The following CSNK1G1 variants were observed in gnomAD, a reference collection of about 807,000 sequenced individuals.
CSNK1G1 encodes casein kinase I isoform gamma-1.
A neutral mutation model predicts 59.6 loss-of-function variants in CSNK1G1; 22 were observed. The observed-to-expected ratio is 0.37, with a 90% CI of 0.26 to 0.53. The LOEUF is 0.53. CSNK1G1 is among the 20% of genes least tolerant of loss of function. The probability of loss-of-function intolerance (pLI) is 0.89; values close to 1 mark genes in which losing one functional copy is unlikely to be tolerated. For missense variants in CSNK1G1, 384 were observed against 519.5 expected, an observed-to-expected ratio of 0.74 and a Z score of 2.54; for synonymous variants, 179 against 177.1, an observed-to-expected ratio of 1.01 and a Z score of -0.08.
At chr15:64,312,624 A>G (rs1896055032) in intron 1 of CSNK1G1, among the ~76,000 whole-genome samples, 1 of 152,212 alleles carries the variant, frequency 6.6e-6, no homozygotes, top group African/African-American at 2.4e-5. Flanking sequence ...TTAAAGACTT[A>G]AATGTAAGAC....
intron 1 of CSNK1G1, among the ~76,000 whole-genome samples, chr15:64,329,265 T>C (rs1596284714): frequency 6.6e-6 from 1 of 151,814 alleles, no homozygotes; most frequent in Admixed American, 6.6e-5. Context: ...ATTGACCACA[T>C]AGTTGGAAGT....
At chr15:64,273,598 T>G (rs1893444375) in intron 2 of CSNK1G1, among the ~76,000 whole-genome samples, 1 of 152,088 alleles carries the variant, frequency 6.6e-6, no homozygotes, top group Non-Finnish European at 1.5e-5. Context: ...GGATTACATG[T>G]AATGTGAGGG....
intron 10 of CSNK1G1, chr15:64,189,465 TA>T: frequency 7.8e-7 from 1 of 1,283,308 alleles, no homozygotes; most frequent in Non-Finnish European, 1.0e-6. Flanking sequence ...TGCTCAGCTG[TA>T]ACAGTCCTAA....
chr15:64,203,118 C>T lies in CSNK1G1; in HGVS notation c.1071G>A (p.Arg357=), dbSNP rs2140247044. The T allele has an allele frequency of 1.2e-6, 2 of 1,613,998 alleles. No homozygotes were observed. Among genetic ancestry groups the T allele is most frequent in the East Asian group, 2.2e-5 (1 of 44,874 alleles). The change falls in exon 10 of 12, where the codon AGG becomes AGA. Residue 357 remains arginine (R), a synonymous_variant. Coordinates refer to ENST00000303052, the MANE Select transcript of CSNK1G1 (RefSeq NM_022048.5). ...SAITRESHTH[R]DRPSQQQPLR... is the part of the protein sequence containing the mutation. ...GAGGCTGCTGTTGTGATGGCCGATC[C>T]CTATGTGTGTGGCTTTCTCGAGTTA...
chr15:64,231,508 C>T (rs1215261357), intron 4 of CSNK1G1, among the ~76,000 whole-genome samples: 2 of 150,796 alleles, frequency 1.3e-5, no homozygotes, highest in African/African-American at 4.9e-5. Flanking sequence ...TACTGTATCC[C>T]TAAGACTTAG....
chr15:64,172,110 C>G (rs887551489), intron 11 of CSNK1G1, 125 bp from the exon 12 acceptor site: 3 of 811,202 alleles, frequency 3.7e-6, no homozygotes, highest in Non-Finnish European at 6.4e-6. Context: ...GGACCACCCA[C>G]CATCTACAGT....
chr15:64,304,971 A>C (rs1040752057), intron 1 of CSNK1G1, among the ~76,000 whole-genome samples: 1 of 152,204 alleles, frequency 6.6e-6, no homozygotes. Flanking sequence ...TTTCTTGGTC[A>C]CAAGTTTCGG....
intron 1 of CSNK1G1, among the ~76,000 whole-genome samples, chr15:64,315,445 G>A (rs1457423471): frequency 6.6e-6 from 1 of 152,138 alleles, no homozygotes; most frequent in Non-Finnish European, 1.5e-5. Context: ...TGCTTAAAGG[G>A]ATTTAGCTTT....
intron 11 of CSNK1G1, among the ~76,000 whole-genome samples, chr15:64,178,757 CGT>C (rs1174705787): frequency 6.6e-6 from 1 of 150,716 alleles, no homozygotes; most frequent in Non-Finnish European, 1.5e-5. Flanking sequence ...TGGGATTACA[CGT>C]GTGAGCCACT....
intron 1 of CSNK1G1, among the ~76,000 whole-genome samples, chr15:64,302,665 G>T (rs1419070195): frequency 6.6e-6 from 1 of 151,996 alleles, no homozygotes; most frequent in East Asian, 1.9e-4. Context: ...GAAAGAAAGA[G>T]AAAAAAATAT....
At chr15:64,246,249 T>C (rs1891748684) in intron 4 of CSNK1G1, among the ~76,000 whole-genome samples, 1 of 152,172 alleles carries the variant, frequency 6.6e-6, no homozygotes, top group Non-Finnish European at 1.5e-5. Context: ...AACCGCCTAC[T>C]AGGTATTTAA....
At chr15:64,243,292 C>T (rs1022378256) in intron 4 of CSNK1G1, among the ~76,000 whole-genome samples, 2 of 151,810 alleles carry the variant, frequency 1.3e-5, no homozygotes, top group African/African-American at 2.4e-5. Context: ...GCCAAGATTG[C>T]GCCACTGCAC....
intron 1 of CSNK1G1, among the ~76,000 whole-genome samples, chr15:64,347,596 A>AG (rs1555405507): frequency 4.6e-5 from 7 of 150,998 alleles, no homozygotes; most frequent in Non-Finnish European, 8.9e-5. Context: ...AAAAAAAAAA[A>AG]AAAGAAAGAA....
intron 10 of CSNK1G1, among the ~76,000 whole-genome samples, chr15:64,183,404 C>T (rs1423101973): frequency 1.3e-5 from 2 of 152,192 alleles, no homozygotes; most frequent in Non-Finnish European, 2.9e-5. Flanking sequence ...ATACCTAAGA[C>T]TTAAAGGCTA....
chr15:64,276,557 A>G (rs1443923889), intron 2 of CSNK1G1, among the ~76,000 whole-genome samples: 1 of 152,180 alleles, frequency 6.6e-6, no homozygotes, highest in African/African-American at 2.4e-5. Context: ...TAAAAGGTCA[A>G]ATGGGAACCC....
intron 7 of CSNK1G1, among the ~76,000 whole-genome samples, chr15:64,206,180 G>A (rs527663756): frequency 3.2e-4 from 48 of 152,152 alleles, no homozygotes; most frequent in Non-Finnish European, 6.2e-4. Flanking sequence ...AGTGGCTCAC[G>A]CCTGTAATCC....
In CSNK1G1 at chr15:64,351,730, T is replaced by C. The variant is rs111579689; in HGVS notation, c.-225+4258A>G. 6.9e-3 allele frequency among the ~76,000 whole-genome samples: 1,055 copies of C among 152,024 alleles called. 11 individuals are homozygous for C. Among genetic ancestry groups the C allele is most frequent in the African/African-American group, 0.017 (711 of 41,446 alleles). On this transcript the variant is annotated intron_variant, in intron 1 of 11. Transcript: ENST00000303052. ...CCCATGTCCACTAAAAATACAAAAA[T>C]TAGCCAGGTATGCTGGCGCACACCT...
At position 64,342,081 on chromosome 15, in the gene CSNK1G1, C is replaced by T. The variant is rs79630836; in HGVS notation, c.-225+13907G>A. The stretch of plus-strand genomic sequence containing the variant: ...TGCACTATTTCCCTTCCGACAGTGA[C>T]GTCCCCTTGCACTCTGTCAAGTAGG... On this transcript the variant is annotated intron_variant, in intron 1 of 11. Coordinates refer to ENST00000303052, the MANE Select transcript of CSNK1G1 (RefSeq NM_022048.5). Among the ~76,000 whole-genome samples, 29 of 152,300 alleles carry T rather than the reference C, an allele frequency of 1.9e-4. No homozygotes were observed. In the East Asian group the frequency reaches 5.0e-3, roughly 26 times the overall value.
At chr15:64,327,899 C>T (rs1256606758) in intron 1 of CSNK1G1, among the ~76,000 whole-genome samples, 7 of 37,560 alleles carry the variant, frequency 1.9e-4, no homozygotes, top group East Asian at 1.4e-3. Context: ...GGAGCCGATG[C>T]GATCAACTGG....
Sources: gnomAD v4.1 joint callset for allele counts (sites outside exome capture counted in the v4.1 genomes callset) on GRCh38, gnomAD v4.1.1 for gene constraint, MANE v1.5 for transcripts, NCBI Gene and HGNC (gene_info 2026-07-23, HGNC 2026-07-21) for gene names.